The following POLR2B variants were observed in gnomAD, a reference collection of about 807,000 sequenced individuals.
POLR2B encodes the protein RNA polymerase II subunit B, also known as DNA-directed RNA polymerase II subunit RPB2.
POLR2B carries 57 observed loss-of-function variants against 144.6 expected under a neutral mutation model. The observed-to-expected ratio is 0.39, with a 90% confidence interval of 0.32 to 0.49. The LOEUF is 0.49. Ranked by LOEUF, POLR2B falls within the 20% of genes least tolerant of loss-of-function variation. The pLI is 0.83. For missense variants in POLR2B, 595 were observed against 1,467.4 expected (o/e 0.41, Z 9.71); for synonymous variants, 442 against 469.8 (o/e 0.94, Z 0.77).
In POLR2B at chr4:57,030,932, C is replaced by T. The variant is rs1578599938; in HGVS notation, c.3469C>T (p.Leu1157=). Reference sequence around the variant, plus strand: ...GGTGCGAATGCCTTACGCATGCAAACTATTGTTTCAGGAACTTATGTCTAT... The same window carrying T: ...GGTGCGAATGCCTTACGCATGCAAATTATTGTTTCAGGAACTTATGTCTAT... ...SLVRMPYACK[L]LFQELMSMSI... Residue 1157 remains leucine, a synonymous_variant, in exon 25 of 25, where the codon CTA becomes TTA. Transcript: ENST00000314595. 1.2e-6 allele frequency: 2 copies of T among 1,610,408 alleles called. No homozygotes were observed. Among genetic ancestry groups the T allele is most frequent in the East Asian group, 4.5e-5 (2 of 44,830 alleles).
At chr4:56,990,981 TA>T (rs570409226) in intron 3 of POLR2B, 83 bp downstream of exon 3, 3 of 1,203,536 alleles carry the variant, frequency 2.5e-6, no homozygotes, top group South Asian at 1.7e-5. Context: ...GCTTAAAGGT[TA>T]AAAAAAGTCA....
intron 10 of POLR2B, among the ~76,000 whole-genome samples, chr4:57,007,287 G>A (rs1723050045): frequency 6.6e-6 from 1 of 152,048 alleles, no homozygotes; most frequent in Non-Finnish European, 1.5e-5. Context: ...GTGGGTGTCT[G>A]TAATCCCAGC....
intron 17 of POLR2B, 52 bp downstream of exon 17, chr4:57,021,047 T>A (rs1298673108): frequency 3.0e-6 from 3 of 986,240 alleles, no homozygotes; most frequent in Non-Finnish European, 4.9e-6. Flanking sequence ...AACACTAATT[T>A]TTTATGCAAA....
At chr4:57,024,209 A>G (rs752016532) in intron 21 of POLR2B, 97 bp downstream of exon 21, 4 of 635,570 alleles carry the variant, frequency 6.3e-6, no homozygotes, top group Non-Finnish European at 1.0e-5. Flanking sequence ...GGTACTTTGT[A>G]AAAAGCTAGT....
chr4:57,021,206 C>G (rs1034803499), intron 17 of POLR2B, among the ~76,000 whole-genome samples: 1 of 152,134 alleles, frequency 6.6e-6, no homozygotes, highest in Non-Finnish European at 1.5e-5. Flanking sequence ...AGGAAATATA[C>G]AGTTGCATTT....
chr4:57,005,360 G>A lies in POLR2B; in HGVS notation c.1015G>A (p.Ala339Thr). The A allele has an allele frequency of 1.2e-6, 2 of 1,609,738 alleles. No homozygotes were observed. Among genetic ancestry groups the A allele is most frequent in the South Asian group, 2.2e-5 (2 of 89,696 alleles). The change falls in exon 8 of 25, where the codon GCA becomes ACA. Residue 339 changes from alanine to threonine, a missense_variant. Physicochemically the swap from Ala to Thr is moderately conservative, Grantham distance 58 (BLOSUM62 0). Around this residue, in one of 9 missense-constraint regions of POLR2B, gnomAD observed 251 missense variants for 567.3 expected, o/e 0.44. Transcript: ENST00000314595. ...GVTKEKRIKY[A>T]KEVLQKEMLP... ...TACTAAAGAGAAAAGAATTAAATATGCAAAGGAAGTTTTACAAAAAGAAAT... is the reference window on the plus strand; with the variant it reads ...TACTAAAGAGAAAAGAATTAAATATACAAAGGAAGTTTTACAAAAAGAAAT...
rs1489701321 is a variant in POLR2B, at chr4:57,023,978, A to G, written c.2857-27A>G. ...TTCTAGTTTAGTATATGTATCTTTG[A>G]GTCCCTTTTAAAATTTTTCTTTGTA... On this transcript the variant is annotated intron_variant, in intron 20 of 24. Transcript: ENST00000314595. The surrounding 1 kb of genome is among the most constrained non-coding windows in gnomAD (Gnocchi z 4.3). 2.4e-6 allele frequency: 3 copies of G among 1,253,048 alleles called. No homozygotes were observed. In the South Asian group the frequency reaches 4.0e-5, roughly 17 times the overall value. The allele number at this position is 1,253,048 out of a possible 1,614,324, so 77.6% of individuals were successfully genotyped here. A position where few individuals can be genotyped will look rare whatever the true frequency, so the allele number is the denominator to read the frequency against.
chr4:57,025,098 G>A, intron 22 of POLR2B, 99 bp downstream of exon 22: 1 of 682,058 alleles, frequency 1.5e-6, no homozygotes, highest in Admixed American at 2.6e-5. Context: ...AGTATCATAT[G>A]TGCACATATA....
intron 2 of POLR2B, among the ~76,000 whole-genome samples, chr4:56,987,393 G>T (rs1056752119): frequency 2.6e-5 from 1 of 37,820 alleles, no homozygotes; most frequent in Admixed American, 3.5e-4. Flanking sequence ...GGATGTTAAA[G>T]GCTTATAACT....
chr4:56,986,464 C>T (rs779061353), intron 2 of POLR2B, 38 bp downstream of exon 2: 1 of 1,240,698 alleles, frequency 8.1e-7, no homozygotes. Flanking sequence ...TGAAAAGGCA[C>T]TTTAGATTTC....
Position 57,024,912 on chromosome 4 carries a change from T to C in POLR2B, c.2991T>C (p.Gly997=), listed in dbSNP as rs911662899. 1.9e-6 allele frequency: 3 copies of C among 1,592,462 alleles called. No homozygotes were observed. The highest frequency in any genetic ancestry group is 2.6e-6 in the Non-Finnish European group (3 of 1,165,482). The change falls in exon 22 of 25, where the codon GGT becomes GGC. Residue 997 remains glycine (G), a synonymous_variant. Transcript: ENST00000314595. ...GKVSANKGEI[G]DATPFNDAVN... ...TATCGGCTAACAAGGGTGAAATTGG[T>C]GATGCCACTCCATTTAATGATGCTG...
chr4:57,025,917 C>T (rs1578594786), intron 23 of POLR2B, among the ~76,000 whole-genome samples: 2 of 151,916 alleles, frequency 1.3e-5, no homozygotes, highest in South Asian at 2.1e-4. Context: ...CAGGCATGTG[C>T]CACTACACCT....
chr4:56,986,304 A>G (rs755154954), intron 1 of POLR2B, 50 bp from the exon 2 acceptor site: 2 of 1,029,410 alleles, frequency 1.9e-6, no homozygotes, highest in Admixed American at 1.7e-5. Flanking sequence ...GCAAGATGTT[A>G]ACTAAGTGGC....
chr4:56,987,940 A>G (rs1327715107), intron 2 of POLR2B, among the ~76,000 whole-genome samples: 1 of 151,810 alleles, frequency 6.6e-6, no homozygotes, highest in East Asian at 1.9e-4. Flanking sequence ...AAAAGTATTG[A>G]AAGCCAGGTG....
At chr4:57,014,482 A>T (rs1007823648) in intron 13 of POLR2B, among the ~76,000 whole-genome samples, 1 of 144,688 alleles carries the variant, frequency 6.9e-6, no homozygotes, top group Non-Finnish European at 1.5e-5. Context: ...GGCATGAGCC[A>T]CCGTGCCTGG....
At chr4:57,008,786 G>T (rs533764203) in intron 10 of POLR2B, among the ~76,000 whole-genome samples, 1 of 152,336 alleles carries the variant, frequency 6.6e-6, no homozygotes, top group East Asian at 1.9e-4. Context: ...CGCCCAAGTT[G>T]CGAGGTAGGT....
chr4:56,998,078 G>T (rs976466826), intron 6 of POLR2B, among the ~76,000 whole-genome samples: 3 of 152,186 alleles, frequency 2.0e-5, no homozygotes, highest in Non-Finnish European at 4.4e-5. Context: ...AAAAGGATGA[G>T]TCAATTAAGA....
At chr4:56,997,556 A>C (rs1722727846) in intron 6 of POLR2B, among the ~76,000 whole-genome samples, 1 of 152,210 alleles carries the variant, frequency 6.6e-6, no homozygotes, top group Non-Finnish European at 1.5e-5. Flanking sequence ...CCAGTTCATG[A>C]AACTTAATAG....
At chr4:57,030,132 C>T (rs1422059888) in intron 23 of POLR2B, 72 bp from the exon 24 acceptor site, 10 of 1,191,040 alleles carry the variant, frequency 8.4e-6, no homozygotes, top group Admixed American at 2.0e-5. Context: ...TTATTCTCCA[C>T]CTTTGCCATT....
Sources: gnomAD v4.1 joint callset for allele counts (sites outside exome capture counted in the v4.1 genomes callset) on GRCh38, gnomAD v4.1.1 for gene constraint, gnomAD v4.1.1 regional missense constraint, Gnocchi (gnomAD v3.1) non-coding constraint, MANE v1.5 for transcripts, NCBI Gene and HGNC (gene_info 2026-07-23, HGNC 2026-07-21) for gene names.